TRPM3: variants seen among roughly 807,000 people sequenced by gnomAD.
TRPM3 encodes transient receptor potential cation channel subfamily M member 3, also known as long transient receptor potential channel 3.
TRPM3 carries 77 observed loss-of-function variants against 181.2 expected under a neutral mutation model. That is an observed-to-expected ratio of 0.42 (90% CI 0.35 to 0.51). TRPM3 has a LOEUF of 0.51. TRPM3 is among the 20% of genes least tolerant of loss of function. TRPM3 has a pLI of 0.01. For missense variants in TRPM3, 1,759 were observed against 2,196.7 expected, an observed-to-expected ratio of 0.80 and a Z score of 3.98; for synonymous variants, 745 against 796.4, an observed-to-expected ratio of 0.94 and a Z score of 1.09.
intron 1 of TRPM3, among the ~76,000 whole-genome samples, chr9:71,001,669 C>G (rs189533064): frequency 6.6e-6 from 1 of 152,320 alleles, no homozygotes; most frequent in East Asian, 1.9e-4. Flanking sequence ...ATGAGCCTTT[C>G]TGATGTGGAA....
chr9:70,665,341 A>C (rs1210716718), intron 9 of TRPM3, among the ~76,000 whole-genome samples: 1 of 152,194 alleles, frequency 6.6e-6, no homozygotes, highest in Non-Finnish European at 1.5e-5. Context: ...TCACAAAGTC[A>C]GATAATTAAA....
At chr9:71,373,363 A>G (rs1565509624) in intron 1 of TRPM3, among the ~76,000 whole-genome samples, 1 of 152,114 alleles carries the variant, frequency 6.6e-6, no homozygotes, top group Non-Finnish European at 1.5e-5. Context: ...AAAAATTACA[A>G]AACAGACAGA....
At chr9:71,058,047 A>G (rs1265389500) in intron 1 of TRPM3, among the ~76,000 whole-genome samples, 1 of 152,078 alleles carries the variant, frequency 6.6e-6, no homozygotes, top group African/African-American at 2.4e-5. Context: ...TCAATGGTAC[A>G]GATAGTATCC....
At chr9:71,025,441 G>C (rs1023130506) in intron 1 of TRPM3, among the ~76,000 whole-genome samples, 5 of 152,192 alleles carry the variant, frequency 3.3e-5, no homozygotes, top group Admixed American at 2.6e-4. Context: ...TCATCGGAAA[G>C]AAGTAATTTT....
At chr9:70,847,673 C>T (rs907361885) in intron 3 of TRPM3, among the ~76,000 whole-genome samples, 8 of 104,202 alleles carry the variant, frequency 7.7e-5, no homozygotes, top group Admixed American at 3.8e-4. Flanking sequence ...TTAAATAAGC[C>T]TGATGCACAG....
rs144561641 is a variant in TRPM3 at position 70,946,518 on chromosome 9, C to T, written c.178-82007G>A. On this transcript the variant is annotated intron_variant, in intron 1 of 25. Transcript: ENST00000677713. Reference sequence around the variant, plus strand: ...TAAATGCATTAATATTTATAAGGTACTCATAATACTGGTACAGTGTGGGCA... The same window carrying T: ...TAAATGCATTAATATTTATAAGGTATTCATAATACTGGTACAGTGTGGGCA... Among the ~76,000 whole-genome samples the T allele has an allele frequency of 2.7e-3, 414 of 152,076 alleles. 2 individuals carry two copies. The highest frequency in any genetic ancestry group is 9.2e-3 in the African/African-American group (383 of 41,468).
At chr9:70,958,644 A>G (rs576116585) in intron 1 of TRPM3, among the ~76,000 whole-genome samples, 1 of 152,148 alleles carries the variant, frequency 6.6e-6, no homozygotes, top group Non-Finnish European at 1.5e-5. Flanking sequence ...TGACCCAGCC[A>G]TCCCATTTCT....
intron 1 of TRPM3, among the ~76,000 whole-genome samples, chr9:71,071,090 G>A (rs111359505): frequency 7.2e-5 from 11 of 152,270 alleles, no homozygotes; most frequent in African/African-American, 2.6e-4. Flanking sequence ...CTTCAGGGGT[G>A]ATGAGTCAAA....
At chr9:71,186,400 T>C (rs533739683) in intron 1 of TRPM3, among the ~76,000 whole-genome samples, 5 of 152,178 alleles carry the variant, frequency 3.3e-5, no homozygotes, top group South Asian at 2.1e-4. Flanking sequence ...AGTAATCATA[T>C]TATTAAGGTC....
chr9:71,109,255 A>G (rs2070463964), intron 1 of TRPM3, among the ~76,000 whole-genome samples: 1 of 151,820 alleles, frequency 6.6e-6, no homozygotes, highest in Non-Finnish European at 1.5e-5. Flanking sequence ...TCCTTAAAAT[A>G]ATCTCTTTCA....
chr9:71,213,906 C>T (rs1315305501), intron 1 of TRPM3, among the ~76,000 whole-genome samples: 1 of 152,164 alleles, frequency 6.6e-6, no homozygotes, highest in Non-Finnish European at 1.5e-5. Flanking sequence ...GATCTGCTTA[C>T]CACATCAGAG....
chr9:70,626,473 C>G (rs2064634843), intron 12 of TRPM3, among the ~76,000 whole-genome samples: 1 of 152,166 alleles, frequency 6.6e-6, no homozygotes, highest in East Asian at 1.9e-4. Context: ...TGTGAGATTT[C>G]TGCCACTTCA....
Position 70,793,469 on chromosome 9 carries a change from AATATAT to A in TRPM3, c.974-9196_974-9191del, listed in dbSNP as rs59366619. ...AGGCTTTGTCTCAAAAAAAAAAAAA[AATATAT>A]ATATATATATATATATAAAACACAT... On this transcript the variant is annotated intron_variant, in intron 6 of 25. Coordinates refer to ENST00000677713, the MANE Select transcript of TRPM3 (RefSeq NM_001366145.2). The A allele has an allele frequency of 1.2e-3, 148 of 123,168 alleles. 3 individuals carry two copies. The highest frequency in any genetic ancestry group is 7.3e-3 in the South Asian group (29 of 3,994). The allele number at this position is 123,168 out of a possible 1,614,324, so 7.6% of individuals were successfully genotyped here. A position where few individuals can be genotyped will look rare whatever the true frequency, so the allele number is the denominator to read the frequency against.
chr9:70,596,835 C>T (rs753013415), intron 21 of TRPM3, among the ~76,000 whole-genome samples: 3 of 152,050 alleles, frequency 2.0e-5, no homozygotes, highest in African/African-American at 7.2e-5. Context: ...AAAAAAATAC[C>T]TCACCGCAGT....
rs575633471 is a variant in TRPM3 at position 70,941,663 on chromosome 9, T to A, written c.178-77152A>T. 2.6e-5 allele frequency among the ~76,000 whole-genome samples: 4 copies of A among 152,310 alleles called. No individual in the cohort carries two copies. In the East Asian group the frequency reaches 5.8e-4, roughly 22 times the overall value. On this transcript the variant is annotated intron_variant, in intron 1 of 25. Coordinates refer to ENST00000677713, the MANE Select transcript of TRPM3 (RefSeq NM_001366145.2). ...TACTCCCATGGCCAGCAGATTTTGT[T>A]GATACATAAGTGGAGGTAGAAAGGC...
At chr9:70,615,829 A>G in intron 18 of TRPM3, 79 bp downstream of exon 18, 1 of 1,407,108 alleles carries the variant, frequency 7.1e-7, no homozygotes, top group Admixed American at 2.3e-5. Flanking sequence ...CTAAGGAGTT[A>G]CTGAATCTTG....
At chr9:71,320,364 C>CTCTGTG (rs2089097818) in intron 1 of TRPM3, among the ~76,000 whole-genome samples, 1 of 151,382 alleles carries the variant, frequency 6.6e-6, no homozygotes. Context: ...GAACACTGAG[C>CTCTGTG]AATCTCATGA....
At chr9:71,204,892 G>C (rs1334982284) in intron 1 of TRPM3, among the ~76,000 whole-genome samples, 1 of 152,156 alleles carries the variant, frequency 6.6e-6, no homozygotes, top group East Asian at 1.9e-4. Flanking sequence ...CATTTAAAAG[G>C]ATGAGTTCAT....
intron 1 of TRPM3, among the ~76,000 whole-genome samples, chr9:71,437,744 T>C (rs996502132): frequency 2.0e-5 from 3 of 151,494 alleles, no homozygotes; most frequent in Non-Finnish European, 4.4e-5. Flanking sequence ...GGCAGGCACC[T>C]GTAATCCCAG....
Sources: allele counts gnomAD v4.1 joint callset (sites outside exome capture counted in the v4.1 genomes callset), GRCh38; gene constraint gnomAD v4.1.1; transcripts MANE v1.5; gene names NCBI Gene and HGNC (gene_info 2026-07-23, HGNC 2026-07-21).